SMARCC2: variants seen among roughly 807,000 people sequenced by gnomAD.
The protein encoded by SMARCC2 is SWI/SNF related BAF chromatin remodeling complex subunit C2.
Under a neutral mutation model 151.3 loss-of-function variants are expected in SMARCC2, and 15 were observed. That is an observed-to-expected ratio of 0.10 (90% CI 0.07 to 0.15). SMARCC2 has a LOEUF of 0.15. SMARCC2 is among the 10% of genes least tolerant of loss of function. SMARCC2 has a pLI of 1.00. For missense variants in SMARCC2, 1,031 were observed against 1,599.7 expected, an observed-to-expected ratio of 0.64 and a Z score of 6.06; for synonymous variants, 590 against 609.5, an observed-to-expected ratio of 0.97 and a Z score of 0.47.
chr12:56,178,686 G>T, intron 13 of SMARCC2, 124 bp downstream of exon 13: 3 of 1,378,316 alleles, frequency 2.2e-6, no homozygotes, highest in South Asian at 1.2e-5. Context: ...TCAGAGTTTT[G>T]AACAAAGCTG....
intron 1 of SMARCC2, 130 bp downstream of exon 1, chr12:56,189,221 G>T: frequency 2.5e-6 from 1 of 393,024 alleles, no homozygotes; most frequent in Non-Finnish European, 4.4e-6. Context: ...GAGGGCGCGC[G>T]GGGGGCTGCT....
At chr12:56,179,089 A>C in intron 11 of SMARCC2, 33 bp from the exon 12 acceptor site, 1 of 1,603,302 alleles carries the variant, frequency 6.2e-7, no homozygotes, top group South Asian at 1.1e-5. Flanking sequence ...TATCAGACAG[A>C]TTTTGCCTAA....
At position 56,186,182 on chromosome 12, in the gene SMARCC2, G is replaced by A. The variant is rs1877203664; in HGVS notation, c.290C>T (p.Ala97Val). ...TCCCTGGTCACTCTTGAATTTGTAG[G>A]CAGCTGCAAGAATGTGGCACAAGGA... ...GGSLCHILAAAYKFKSDQGWR... is the reference protein window; with the variant it reads ...GGSLCHILAAVYKFKSDQGWR... Residue 97 changes from alanine to valine, a missense_variant, in exon 3 of 29, where the codon GCC (alanine) becomes GTC (valine). Ala to Val is a moderately conservative substitution (Grantham distance 64). Coordinates refer to ENST00000550164, the MANE Select transcript of SMARCC2 (RefSeq NM_001330288.2). 1 of 1,611,974 alleles carries A rather than the reference G, an allele frequency of 6.2e-7. No individual in the cohort carries two copies. Among genetic ancestry groups the A allele is most frequent in the South Asian group, 1.1e-5 (1 of 91,038 alleles).
intron 28 of SMARCC2, among the ~76,000 whole-genome samples, chr12:56,164,097 A>G (rs1420570312): frequency 6.6e-6 from 1 of 152,102 alleles, no homozygotes; most frequent in African/African-American, 2.4e-5. Context: ...AAAGGCCCCA[A>G]CATCATCCCA....
At position 56,188,353 on chromosome 12, in the gene SMARCC2, A is replaced by G. The variant is rs369534745; in HGVS notation, c.111+998T>C. Among the ~76,000 whole-genome samples the G allele has an allele frequency of 3.3e-5, 5 of 152,266 alleles. No homozygotes were observed. The South Asian group carries it at 1.0e-3, about 32-fold the overall frequency. ...GGGCAGGGCCAGGCTCACAACCAGC[A>G]TCAGTAGGAAGTTCTCCTAAGCCAC... is the stretch of plus-strand genomic sequence containing the variant. On this transcript the variant is annotated intron_variant, in intron 1 of 28. Coordinates refer to ENST00000550164, the MANE Select transcript of SMARCC2 (RefSeq NM_001330288.2).
chr12:56,182,087 G>T lies in SMARCC2; in HGVS notation c.633-8C>A, dbSNP rs1221769506. 15 of 1,603,532 alleles carry T rather than the reference G, an allele frequency of 9.4e-6. No individual in the cohort carries two copies. Among genetic ancestry groups the T allele is most frequent in the Non-Finnish European group, 1.0e-5 (12 of 1,171,498 alleles). On this transcript the variant is annotated splice_polypyrimidine_tract_variant and splice_region_variant and intron_variant, in intron 7 of 28. Coordinates refer to ENST00000550164, the MANE Select transcript of SMARCC2 (RefSeq NM_001330288.2). ...GGGATCCACGTGTCGTAACTGCCAT[G>T]GGAAATTGAGCACACAGTAGAATCA...
chr12:56,162,494 A>G lies in SMARCC2; in HGVS notation c.*1195T>C. The stretch of plus-strand genomic sequence containing the variant: ...AGAAACATGGGGACATGAGGAACAA[A>G]GGGCCTGGTGGGAGGAACCAAGAAG... On this transcript the variant is annotated 3_prime_UTR_variant, in exon 29 of 29. Transcript: ENST00000550164. The G allele has an allele frequency of 3.5e-6, 2 of 571,008 alleles. No individual in the cohort carries two copies. Among genetic ancestry groups the G allele is most frequent in the South Asian group, 4.7e-5 (2 of 42,382 alleles). The allele number at this position is 571,008 out of a possible 1,614,324, so 35.4% of individuals were successfully genotyped here.
chr12:56,185,267 C>T (rs1161887992), intron 3 of SMARCC2, 156 bp from the exon 4 acceptor site: 2 of 616,186 alleles, frequency 3.2e-6, no homozygotes, highest in African/African-American at 1.8e-5. Context: ...CAACCTCTGC[C>T]TCCCAGGTTC....
At position 56,171,352 on chromosome 12, in the gene SMARCC2, C is replaced by T. The variant is rs1231475752; in HGVS notation, c.2266G>A (p.Val756Ile). The change falls in exon 22 of 29, where the codon GTA (valine) becomes ATA (isoleucine). Residue 756 changes from valine (V) to isoleucine (I), a missense_variant. Physicochemically the swap from Val to Ile is conservative, Grantham distance 29 (BLOSUM62 3). This residue lies in a region of SMARCC2 where 119 missense variants were observed against 184.2 expected (regional missense o/e 0.65). Transcript: ENST00000550164. This position sits in a 1 kb window ranked among gnomAD's most constrained non-coding sequence, Gnocchi z 4.2. ...AAGGCAGGGTCCGCCTTGCCTGTTA[C>T]TTTGGCTGCTTCTTCCACTTTTCGA... ...HVRKVEEAAK[V>I]TGKADPAFGL... 6 of 1,614,226 alleles carry T rather than the reference C, an allele frequency of 3.7e-6. No individual in the cohort carries two copies. The East Asian group carries it at 8.9e-5, about 24-fold the overall frequency.
rs1876313483 is a variant in SMARCC2 at position 56,182,027 on chromosome 12, G to C, written c.685C>G (p.Pro229Ala). Reference protein sequence around the residue: ...SEIEASVEDAPTPEKPRKVHA... With the variant: ...SEIEASVEDAATPEKPRKVHA... Reference sequence around the variant, plus strand: ...ACCTTCCTAGGTTTCTCAGGAGTTGGAGCATCTTCCACAGATGCCTCAATT... The same window carrying C: ...ACCTTCCTAGGTTTCTCAGGAGTTGCAGCATCTTCCACAGATGCCTCAATT... The change falls in exon 8 of 29, where the codon CCA becomes GCA. Residue 229 changes from proline to alanine, a missense_variant. Around this residue, in one of 12 missense-constraint regions of SMARCC2, gnomAD observed 123 missense variants for 190.4 expected, o/e 0.65. Coordinates refer to ENST00000550164, the MANE Select transcript of SMARCC2 (RefSeq NM_001330288.2). The C allele has an allele frequency of 1.9e-6, 3 of 1,611,834 alleles. No individual in the cohort carries two copies. Among genetic ancestry groups the C allele is most frequent in the Admixed American group, 1.7e-5 (1 of 59,504 alleles).
rs780524884 is a variant in SMARCC2, at chr12:56,165,328, A to G, written c.3222T>C (p.Pro1074=). 11 of 1,490,822 alleles carry G rather than the reference A, an allele frequency of 7.4e-6. No homozygotes were observed. The highest frequency in any genetic ancestry group is 2.8e-5 in the South Asian group (2 of 71,708). The allele number at this position is 1,490,822 out of a possible 1,614,324, so 92.3% of individuals were successfully genotyped here. Residue 1074 remains proline (P), a synonymous_variant, in exon 27 of 29, where the codon CCT becomes CCC. Transcript: ENST00000550164. The part of the protein sequence containing the change: ...PGAVPPGVPP[P]GPHGPSPFPN... Reference sequence around the variant, plus strand: ...GAACATAACACTTACCATGGGGTCCAGGGGGGGGAACCCCTGGTGGGACTG... The same window carrying G: ...GAACATAACACTTACCATGGGGTCCGGGGGGGGGAACCCCTGGTGGGACTG...
At chr12:56,172,282 A>G in intron 20 of SMARCC2, 146 bp downstream of exon 20, 1 of 693,782 alleles carries the variant, frequency 1.4e-6, no homozygotes, top group East Asian at 2.8e-5. Context: ...GAGTCTCACT[A>G]TGTTGCCCAG....
rs1206568253 is a variant in SMARCC2, at chr12:56,183,842, C to T, written c.632+19G>A. 6.2e-7 allele frequency: 1 copy of T among 1,602,914 alleles called. No homozygotes were observed. ...GTCTGGCTCTTATACTTAAACCTGC[C>T]CCAGGAACCCATCCTCACCTGTCAG... On this transcript the variant is annotated intron_variant, in intron 7 of 28. Transcript: ENST00000550164.
chr12:56,178,730 G>T, intron 13 of SMARCC2, 80 bp downstream of exon 13: 5 of 1,522,746 alleles, frequency 3.3e-6, no homozygotes, highest in Non-Finnish European at 4.6e-6. Flanking sequence ...TCTGGGCAGT[G>T]AAAAGTTTGG....
At chr12:56,189,138 T>C (rs1468287635) in intron 1 of SMARCC2, among the ~76,000 whole-genome samples, 1 of 66,512 alleles carries the variant, frequency 1.5e-5, no homozygotes, top group East Asian at 6.0e-4. Context: ...GGCGCAGCAG[T>C]GGGGGCGGGG....
chr12:56,168,099 A>C lies in SMARCC2; in HGVS notation c.2811T>G (p.Phe937Leu). 2 of 1,614,030 alleles carry C rather than the reference A, an allele frequency of 1.2e-6. No homozygotes were observed. Among genetic ancestry groups the C allele is most frequent in the Non-Finnish European group, 1.7e-6 (2 of 1,180,024 alleles). Residue 937 changes from phenylalanine (F) to leucine (L), a missense_variant, in exon 26 of 29, where the codon TTT (phenylalanine) becomes TTG (leucine). Transcript: ENST00000550164. ...MKKLEIKLRH[F>L]EELETIMDRE... ...GGTCCATGATAGTCTCCAGCTCCTC[A>C]AAGTGCCGAAGTTTGATCTCCAACT...
Position 56,163,547 on chromosome 12 carries a change from G to A in SMARCC2, c.*142C>T, listed in dbSNP as rs189776687. 6.4e-6 allele frequency: 3 copies of A among 467,854 alleles called. No homozygotes were observed. Among genetic ancestry groups the A allele is most frequent in the Non-Finnish European group, 1.1e-5 (3 of 265,284 alleles). The allele number at this position is 467,854 out of a possible 1,614,324, so 29.0% of individuals were successfully genotyped here. A position where few individuals can be genotyped will look rare whatever the true frequency, so the allele number is the denominator to read the frequency against. ...TGCATGCCTCTGTTAGGCATGGTGAGGGCTTTGGAGGGGCGGAAGGAGCTT... is the reference window on the plus strand; with the variant it reads ...TGCATGCCTCTGTTAGGCATGGTGAAGGCTTTGGAGGGGCGGAAGGAGCTT... On this transcript the variant is annotated 3_prime_UTR_variant, in exon 29 of 29. Transcript: ENST00000550164.
At chr12:56,178,179 G>A (rs1412111025) in intron 14 of SMARCC2, 86 bp from the exon 15 acceptor site, 37 of 1,146,234 alleles carry the variant, frequency 3.2e-5, no homozygotes, top group Non-Finnish European at 4.7e-5. Context: ...AGAAGGCAAA[G>A]AAGGAAAAGA....
At position 56,168,057 on chromosome 12, in the gene SMARCC2, C is replaced by T; in HGVS notation, c.2850+3G>A. Reference sequence around the variant, plus strand: ...GCAGGGTTCCAGGGCTCCTGCTACTCACTGCTTCTCGCTCCCGGTCCATGA... The same window carrying T: ...GCAGGGTTCCAGGGCTCCTGCTACTTACTGCTTCTCGCTCCCGGTCCATGA... On this transcript the variant is annotated splice_donor_region_variant and intron_variant, in intron 26 of 28. Coordinates refer to ENST00000550164, the MANE Select transcript of SMARCC2 (RefSeq NM_001330288.2). 1 of 1,613,954 alleles carries T rather than the reference C, an allele frequency of 6.2e-7. No individual in the cohort carries two copies. The highest frequency in any genetic ancestry group is 8.5e-7 in the Non-Finnish European group (1 of 1,179,958).
Sources: gnomAD v4.1 joint callset for allele counts (sites outside exome capture counted in the v4.1 genomes callset) on GRCh38, gnomAD v4.1.1 for gene constraint, gnomAD v4.1.1 regional missense constraint, Gnocchi (gnomAD v3.1) non-coding constraint, MANE v1.5 for transcripts, NCBI Gene and HGNC (gene_info 2026-07-23, HGNC 2026-07-21) for gene names.